TCF7L2: variants seen among roughly 807,000 people sequenced by gnomAD.
The protein encoded by TCF7L2 is transcription factor 7-like 2.
In TCF7L2, 23 loss-of-function variants were observed where a neutral mutation model predicts 77.9. The ratio of observed to expected loss-of-function variants is 0.30; its 90% CI spans 0.21 to 0.42. The LOEUF (loss-of-function observed/expected upper bound fraction) is 0.42. TCF7L2 is among the 10% of genes least tolerant of loss of function. The pLI, the probability that TCF7L2 is intolerant of heterozygous loss-of-function variation, is 1.00. For synonymous variants in TCF7L2, 413 were observed against 340.2 expected, an observed-to-expected ratio of 1.21 and a Z score of -2.36; for missense variants, 654 against 793.1, an observed-to-expected ratio of 0.82 and a Z score of 2.11.
chr10:113,165,573 T>C lies in TCF7L2; in HGVS notation c.1410T>C (p.Val470=). The C allele has an allele frequency of 6.2e-7, 1 of 1,613,932 alleles. No individual in the cohort carries two copies. Residue 470 remains valine, a synonymous_variant, in exon 14 of 14, where the codon GTT becomes GTC. Coordinates refer to ENST00000627217, the MANE Select transcript of TCF7L2 (RefSeq NM_001146274.2). ...TTTCTAGGAGAAAAAAAAAGTGCGT[T>C]CGCTACATACAAGGTGAAGGCAGCT... is the stretch of plus-strand genomic sequence containing the variant.
rs760036701 is a variant in TCF7L2 at position 113,165,668 on chromosome 10, C to T, written c.1505C>T (p.Ser502Phe). ...CCCCCCTCCCCGAACCTGCTAGGCT[C>T]CCCTCCCCGAGACGCCAAGTCACAG... The change falls in exon 14 of 14, where the codon TCC (serine) becomes TTC (phenylalanine). Residue 502 changes from serine (S) to phenylalanine (F), a missense_variant. Transcript: ENST00000627217. 2 of 1,610,732 alleles carry T rather than the reference C, an allele frequency of 1.2e-6. No individual in the cohort carries two copies. The highest frequency in any genetic ancestry group is 1.1e-5 in the South Asian group (1 of 90,602).
At chr10:113,051,315 G>T (rs1015645179) in intron 5 of TCF7L2, among the ~76,000 whole-genome samples, 3 of 151,824 alleles carry the variant, frequency 2.0e-5, no homozygotes, top group African/African-American at 7.3e-5. Context: ...TGGGTGAGGC[G>T]GAAATGCCTG....
chr10:113,101,623 A>G (rs2061645196), intron 5 of TCF7L2, among the ~76,000 whole-genome samples: 1 of 151,746 alleles, frequency 6.6e-6, no homozygotes, highest in Non-Finnish European at 1.5e-5. Flanking sequence ...TGGGCGGATC[A>G]CAAGGTCAGG....
intron 5 of TCF7L2, among the ~76,000 whole-genome samples, chr10:113,128,399 G>A (rs770729148): frequency 6.6e-6 from 1 of 152,032 alleles, no homozygotes; most frequent in African/African-American, 2.4e-5. Context: ...AACTTGTCCC[G>A]TGTCTTAACA....
At chr10:112,961,693 A>T (rs1447787173) in intron 3 of TCF7L2, among the ~76,000 whole-genome samples, 1 of 152,118 alleles carries the variant, frequency 6.6e-6, no homozygotes, top group East Asian at 1.9e-4. Context: ...GAGCTTGGAA[A>T]TCTCTCCAGC....
At chr10:113,091,407 C>T (rs977332138) in intron 5 of TCF7L2, among the ~76,000 whole-genome samples, 3 of 152,120 alleles carry the variant, frequency 2.0e-5, no homozygotes, top group Non-Finnish European at 4.4e-5. Flanking sequence ...ATCCTCTGGT[C>T]CACCTATTCC....
rs535307423 is a variant in TCF7L2, at chr10:113,042,082, A to G, written c.552+1956A>G. Among the ~76,000 whole-genome samples, 8 of 152,292 alleles carry G rather than the reference A, an allele frequency of 5.3e-5. No homozygotes were observed. In the East Asian group the frequency reaches 1.5e-3, roughly 29 times the overall value. ...GGGTTTGTCCATTTGGATAGAGCAA[A>G]GATCCTCCACCTCAAATCCCACAAG... is the stretch of plus-strand genomic sequence containing the variant. On this transcript the variant is annotated intron_variant, in intron 5 of 13. Transcript: ENST00000627217.
intron 5 of TCF7L2, among the ~76,000 whole-genome samples, chr10:113,080,441 T>A (rs2059205826): frequency 2.6e-5 from 4 of 152,122 alleles, no homozygotes; most frequent in Admixed American, 2.6e-4. Context: ...CTTTTTGGAA[T>A]TCATATACTG....
At chr10:112,964,785 TGGTGGTGATGGTGGTGGTGGTGGTGGTG>T (rs1422332730) in intron 4 of TCF7L2, among the ~76,000 whole-genome samples, 161 bp downstream of exon 4, 1 of 65,042 alleles carries the variant, frequency 1.5e-5, no homozygotes, top group African/African-American at 7.4e-5. Flanking sequence ...GTGATGGTGG[TGGTGGTGATGGTGGTGGTGGTGGTGGTG>T]GGGGGGGGTT....
At chr10:113,032,505 G>C (rs2050414291) in intron 4 of TCF7L2, among the ~76,000 whole-genome samples, 1 of 152,226 alleles carries the variant, frequency 6.6e-6, no homozygotes, top group Admixed American at 6.5e-5. Context: ...GATGCTAGAT[G>C]CTGGAAAGTC....
Position 112,951,606 on chromosome 10 carries a change from C to G in TCF7L2, c.380C>G (p.Thr127Ser). The change falls in exon 3 of 14, where the codon ACC becomes AGC. Residue 127 changes from threonine (T) to serine (S), a missense_variant and splice_region_variant. Coordinates refer to ENST00000627217, the MANE Select transcript of TCF7L2 (RefSeq NM_001146274.2). Reference sequence around the variant, plus strand: ...GGATCGCTCTCGCCCACCGCCCGAACCGTAAGTGCCTCCGCGCCCGGCCCC... The same window carrying G: ...GGATCGCTCTCGCCCACCGCCCGAAGCGTAAGTGCCTCCGCGCCCGGCCCC... 1 of 1,280,374 alleles carries G rather than the reference C, an allele frequency of 7.8e-7. No individual in the cohort carries two copies. The allele number at this position is 1,280,374 out of a possible 1,614,324, so 79.3% of individuals were successfully genotyped here.
At chr10:112,951,340 C>T (rs2134196200) in intron 2 of TCF7L2, 67 bp downstream of exon 2, 5 of 984,404 alleles carry the variant, frequency 5.1e-6, no homozygotes, top group Middle Eastern at 5.3e-4. Context: ...CCCGCGCGCC[C>T]CGGCCCCGCG....
intron 5 of TCF7L2, among the ~76,000 whole-genome samples, chr10:113,081,438 C>G (rs1438332536): frequency 2.6e-5 from 4 of 152,170 alleles, no homozygotes. Context: ...TGCTTGAACC[C>G]GAGCTTCTGC....
chr10:113,140,844 C>T (rs1474760169), intron 5 of TCF7L2, among the ~76,000 whole-genome samples: 1 of 152,134 alleles, frequency 6.6e-6, no homozygotes, highest in Non-Finnish European at 1.5e-5. Flanking sequence ...TGTGGAAACG[C>T]AGTAGGCATG....
chr10:112,973,061 G>A (rs946314042), intron 4 of TCF7L2, among the ~76,000 whole-genome samples: 6 of 152,128 alleles, frequency 3.9e-5, no homozygotes, highest in Non-Finnish European at 8.8e-5. Context: ...TAGAAATCAC[G>A]TGGGACCTGG....
intron 13 of TCF7L2, among the ~76,000 whole-genome samples, chr10:113,162,080 G>A (rs953346234): frequency 1.3e-5 from 2 of 152,184 alleles, no homozygotes; most frequent in Non-Finnish European, 2.9e-5. Context: ...GACTAGCCAG[G>A]GAGGGCAGGG....
At chr10:113,136,941 C>A (rs183140331) in intron 5 of TCF7L2, among the ~76,000 whole-genome samples, 281 of 152,066 alleles carry the variant, frequency 1.8e-3, no homozygotes, top group African/African-American at 6.5e-3. Flanking sequence ...TGTTTGGATT[C>A]TTTTGTGTTT....
At chr10:113,099,528 C>G (rs1214533972) in intron 5 of TCF7L2, among the ~76,000 whole-genome samples, 2 of 152,190 alleles carry the variant, frequency 1.3e-5, no homozygotes, top group East Asian at 3.9e-4. Flanking sequence ...GAGCTGCCGT[C>G]TTCCTGGCTG....
At chr10:113,026,599 T>A (rs560513491) in intron 4 of TCF7L2, among the ~76,000 whole-genome samples, 1 of 152,354 alleles carries the variant, frequency 6.6e-6, no homozygotes, top group South Asian at 2.1e-4. Flanking sequence ...TCCTTAGTTC[T>A]TATCCTCTGC....
Sources: gnomAD v4.1 joint callset for allele counts (sites outside exome capture counted in the v4.1 genomes callset) on GRCh38, gnomAD v4.1.1 for gene constraint, MANE v1.5 for transcripts, NCBI Gene and HGNC (gene_info 2026-07-23, HGNC 2026-07-21) for gene names.